GNA12: variants seen among roughly 807,000 people sequenced by gnomAD.
GNA12 encodes the protein guanine nucleotide-binding protein subunit alpha-12.
GNA12 carries 9 observed loss-of-function variants against 26.0 expected under a neutral mutation model. That is an observed-to-expected ratio of 0.35 (90% CI 0.21 to 0.60). The LOEUF (loss-of-function observed/expected upper bound fraction) is 0.60, where lower values mean the gene tolerates loss of function less well. GNA12 is among the 20% of genes least tolerant of loss of function. GNA12 has a pLI of 0.78. For synonymous variants in GNA12, 264 were observed against 219.6 expected, an observed-to-expected ratio of 1.20 and a Z score of -1.79; for missense variants, 405 against 525.8, an observed-to-expected ratio of 0.77 and a Z score of 2.25.
At chr7:2,814,819 T>C in intron 1 of GNA12, 2 of 1,536,794 alleles carry the variant, frequency 1.3e-6, no homozygotes, top group East Asian at 2.4e-5. Flanking sequence ...CCAAGCACCC[T>C]TCCTGTGCTC....
intron 2 of GNA12, chr7:2,775,367 G>C (rs1473146206): frequency 1.3e-5 from 2 of 152,228 alleles, no homozygotes; most frequent in Admixed American, 6.5e-5. Flanking sequence ...GGGTGATGAG[G>C]ATTGAAGTCA....
chr7:2,814,527 T>C (rs1793168562), intron 1 of GNA12: 4 of 682,098 alleles, frequency 5.9e-6, no homozygotes, highest in Non-Finnish European at 1.0e-5. Context: ...AAATTTCTTC[T>C]GCACCCATGA....
chr7:2,816,405 A>G (rs1793220755), intron 1 of GNA12, among the ~76,000 whole-genome samples: 1 of 151,838 alleles, frequency 6.6e-6, no homozygotes, highest in Admixed American at 6.6e-5. Context: ...TAATTTTTGT[A>G]TTTTTTAGTA....
At chr7:2,740,178 T>C (rs1474415340) in intron 2 of GNA12, among the ~76,000 whole-genome samples, 2 of 152,194 alleles carry the variant, frequency 1.3e-5, no homozygotes, top group Non-Finnish European at 1.5e-5. Flanking sequence ...TTTCTGGGTT[T>C]TCTGGCATTT....
At chr7:2,816,091 T>C (rs1461161823) in intron 1 of GNA12, among the ~76,000 whole-genome samples, 1 of 152,090 alleles carries the variant, frequency 6.6e-6, no homozygotes, top group Non-Finnish European at 1.5e-5. Context: ...TGCAGCACTG[T>C]TGGTCGCAGG....
intron 1 of GNA12, among the ~76,000 whole-genome samples, chr7:2,833,098 G>T (rs1336659204): frequency 3.3e-5 from 5 of 152,190 alleles, no homozygotes; most frequent in African/African-American, 1.2e-4. Context: ...AGGATTAAAA[G>T]GCAATCCGGT....
intron 1 of GNA12, among the ~76,000 whole-genome samples, chr7:2,798,835 G>A (rs1257634638): frequency 6.6e-6 from 1 of 152,118 alleles, no homozygotes; most frequent in Non-Finnish European, 1.5e-5. Flanking sequence ...AGAACCCAGG[G>A]ATAGCCCCTG....
intron 2 of GNA12, among the ~76,000 whole-genome samples, chr7:2,750,328 C>T (rs541753538): frequency 6.6e-6 from 1 of 152,266 alleles, no homozygotes; most frequent in South Asian, 2.1e-4. Flanking sequence ...CGCAGTTTAC[C>T]AGGAACAGAA....
intron 1 of GNA12, among the ~76,000 whole-genome samples, chr7:2,824,334 C>G (rs1793433866): frequency 6.6e-6 from 1 of 152,206 alleles, no homozygotes; most frequent in Admixed American, 6.5e-5. Context: ...CAGTGGCCTG[C>G]ACCCGCCTCT....
intron 1 of GNA12, among the ~76,000 whole-genome samples, chr7:2,815,502 A>C (rs1793198434): frequency 6.6e-6 from 1 of 152,208 alleles, no homozygotes; most frequent in East Asian, 1.9e-4. Flanking sequence ...CACTGCAGGC[A>C]GCCATATGCC....
At chr7:2,793,900 G>GA (rs141650013) in intron 2 of GNA12, among the ~76,000 whole-genome samples, 11,322 of 140,948 alleles carry the variant, frequency 0.08, 527 homozygotes, top group Middle Eastern at 0.15. Flanking sequence ...AAAAAAAAAG[G>GA]AAAAAAAAAG....
chr7:2,768,075 G>A (rs964531288), intron 2 of GNA12, among the ~76,000 whole-genome samples: 2 of 152,070 alleles, frequency 1.3e-5, no homozygotes, highest in Admixed American at 6.6e-5. Flanking sequence ...GGCTGGTCTC[G>A]AACTCCTGAC....
chr7:2,775,155 A>G (rs1792045987), intron 2 of GNA12: 1 of 152,198 alleles, frequency 6.6e-6, no homozygotes, highest in Non-Finnish European at 1.5e-5. Flanking sequence ...ACGCTAGAGA[A>G]ACCAGTGTCT....
rs1292273164 is a variant in GNA12, at chr7:2,729,100, C to A, written c.*2081G>T. 2.0e-5 allele frequency: 3 copies of A among 152,408 alleles called. No individual in the cohort carries two copies. Among genetic ancestry groups the A allele is most frequent in the Non-Finnish European group, 4.4e-5 (3 of 68,056 alleles). 9.4% of individuals were successfully genotyped at this position (152,408 alleles called of 1,614,324 possible). On this transcript the variant is annotated 3_prime_UTR_variant, in exon 4 of 4. Transcript: ENST00000275364. ...CTCAGGAAGGTGTTTCAAACAACTC[C>A]CCTGCTACGCGAATCACAGCGCTGC...
rs932641391 is a variant in GNA12, at chr7:2,785,893, G to A, written c.525+9035C>T. ...GAAACCATATCTCTACTAAAAATAC[G>A]AAAAATAAAAAAATAAATAAAAAAT... is the stretch of plus-strand genomic sequence containing the variant. On this transcript the variant is annotated intron_variant, in intron 2 of 3. Transcript: ENST00000275364. Among the ~76,000 whole-genome samples, 8 of 151,978 alleles carry A rather than the reference G, an allele frequency of 5.3e-5. No homozygotes were observed. The South Asian group carries it at 6.2e-4, about 12-fold the overall frequency.
intron 1 of GNA12, among the ~76,000 whole-genome samples, chr7:2,798,026 C>A (rs1452714330): frequency 6.6e-6 from 1 of 152,150 alleles, no homozygotes; most frequent in African/African-American, 2.4e-5. Flanking sequence ...AAAAAACATA[C>A]AGCTAACCTC....
intron 2 of GNA12, among the ~76,000 whole-genome samples, chr7:2,788,137 G>C (rs1343468551): frequency 1.3e-5 from 2 of 150,346 alleles, no homozygotes; most frequent in Non-Finnish European, 3.0e-5. Context: ...CTGGGCAACA[G>C]GGCGAGACTG....
At chr7:2,769,699 C>G (rs1302216954) in intron 2 of GNA12, among the ~76,000 whole-genome samples, 1 of 152,136 alleles carries the variant, frequency 6.6e-6, no homozygotes, top group Non-Finnish European at 1.5e-5. Flanking sequence ...CACCACCGCA[C>G]TCCAGCCTGG....
intron 2 of GNA12, among the ~76,000 whole-genome samples, chr7:2,778,834 G>A (rs1370740173): frequency 1.3e-5 from 2 of 152,110 alleles, no homozygotes; most frequent in East Asian, 3.8e-4. Flanking sequence ...CATTCCCTGG[G>A]CTTTACTCAG....
Sources: allele counts gnomAD v4.1 joint callset (sites outside exome capture counted in the v4.1 genomes callset), GRCh38; gene constraint gnomAD v4.1.1; transcripts MANE v1.5; gene names NCBI Gene and HGNC (gene_info 2026-07-23, HGNC 2026-07-21).